The following CCDC7 variants were observed in gnomAD, a reference collection of about 807,000 sequenced individuals.
The protein encoded by CCDC7 is coiled-coil domain-containing protein 7.
Under a neutral mutation model 196.9 loss-of-function variants are expected in CCDC7, and 183 were observed. The ratio of observed to expected loss-of-function variants is 0.93; its 90% CI spans 0.82 to 1.05. CCDC7 has a LOEUF of 1.05. Ranked by LOEUF, CCDC7 falls within the 50% of genes least tolerant of loss-of-function variation. The pLI is 0.00. For missense variants in CCDC7, 1,540 were observed against 1,482.2 expected (o/e 1.04, Z -0.64); for synonymous variants, 525 against 484.6 (o/e 1.08, Z -1.10).
intron 39 of CCDC7, among the ~76,000 whole-genome samples, chr10:32,850,133 C>T (rs1401772552): frequency 6.6e-6 from 1 of 152,128 alleles, no homozygotes; most frequent in African/African-American, 2.4e-5. Flanking sequence ...TCTCAAAGCC[C>T]ACCAGGAACA....
At chr10:32,611,661 C>T (rs981083615) in intron 18 of CCDC7, among the ~76,000 whole-genome samples, 5 of 152,196 alleles carry the variant, frequency 3.3e-5, no homozygotes, top group Admixed American at 2.6e-4. Flanking sequence ...TTCTCAGCAT[C>T]ATTTATTAAA....
chr10:32,582,834 A>G (rs1005522594), intron 16 of CCDC7, among the ~76,000 whole-genome samples, 200 bp from the exon 18 acceptor site: 1 of 152,140 alleles, frequency 6.6e-6, no homozygotes, highest in Non-Finnish European at 1.5e-5. Context: ...CCTTAGTATT[A>G]TGTATCCCTT....
At chr10:32,823,761 T>A (rs1398050878) in intron 31 of CCDC7, among the ~76,000 whole-genome samples, 3 of 152,206 alleles carry the variant, frequency 2.0e-5, no homozygotes, top group Admixed American at 2.0e-4. Flanking sequence ...TATACCTAGA[T>A]ACTAGTTTCT....
At chr10:32,765,913 T>G (rs1022751346) in intron 28 of CCDC7, among the ~76,000 whole-genome samples, 1 of 152,086 alleles carries the variant, frequency 6.6e-6, no homozygotes, top group Non-Finnish European at 1.5e-5. Context: ...CAGTTTTCTT[T>G]TAGCTGGAAA....
intron 11 of CCDC7, among the ~76,000 whole-genome samples, chr10:32,526,269 TGTG>T (rs2048659697): frequency 6.6e-6 from 1 of 152,108 alleles, no homozygotes; most frequent in Non-Finnish European, 1.5e-5. Flanking sequence ...TCCTTCAGCT[TGTG>T]GTGAATGCTT....
At chr10:32,537,238 T>G (rs1482248581) in intron 11 of CCDC7, among the ~76,000 whole-genome samples, 2 of 152,220 alleles carry the variant, frequency 1.3e-5, no homozygotes, top group East Asian at 1.9e-4. Flanking sequence ...TGGTTTGCAC[T>G]TCTCTAATGA....
intron 24 of CCDC7, among the ~76,000 whole-genome samples, chr10:32,696,343 C>T (rs1042527636): frequency 3.3e-5 from 5 of 152,126 alleles, no homozygotes; most frequent in African/African-American, 9.7e-5. Context: ...TTGGGGATCA[C>T]AGTCGCCTGT....
At chr10:32,456,502 A>G in intron 3 of CCDC7, 168 bp downstream of exon 4, 1 of 517,428 alleles carries the variant, frequency 1.9e-6, no homozygotes, top group East Asian at 3.8e-5. Flanking sequence ...TTTTTTTTTA[A>G]TCATCATCAA....
chr10:32,838,187 G>A (rs1156591645), intron 33 of CCDC7, among the ~76,000 whole-genome samples: 1 of 152,060 alleles, frequency 6.6e-6, no homozygotes, highest in Non-Finnish European at 1.5e-5. Context: ...TGCCCAGATT[G>A]CCAGAACAAA....
chr10:32,483,661 T>C (rs976621279), intron 8 of CCDC7, among the ~76,000 whole-genome samples: 3 of 152,216 alleles, frequency 2.0e-5, no homozygotes, highest in Non-Finnish European at 4.4e-5. Flanking sequence ...CCATCTTGAA[T>C]TGATTTTTGT....
At chr10:32,871,126 C>T (rs1050667447) in intron 41 of CCDC7, among the ~76,000 whole-genome samples, 9 of 152,032 alleles carry the variant, frequency 5.9e-5, no homozygotes, top group Admixed American at 3.3e-4. Flanking sequence ...AAATGAGTTA[C>T]GGAGGATTCT....
At chr10:32,647,628 GT>G (rs1178422758) in intron 20 of CCDC7, among the ~76,000 whole-genome samples, 1 of 151,864 alleles carries the variant, frequency 6.6e-6, no homozygotes, top group Non-Finnish European at 1.5e-5. Flanking sequence ...GGCAGCATAT[GT>G]CTTTTTTTGA....
At chr10:32,734,071 T>A (rs934219390) in intron 28 of CCDC7, among the ~76,000 whole-genome samples, 18 of 152,186 alleles carry the variant, frequency 1.2e-4, no homozygotes, top group Admixed American at 7.9e-4. Context: ...AGCAATCCTA[T>A]TACTGGGTAT....
Position 32,638,180 on chromosome 10 carries a change from G to A in CCDC7, c.2014+3022G>A, listed in dbSNP as rs144837841. ...ATACAATCATGTCATCTGCAAACAG[G>A]GACAATTTGACTTCCTCTTTTTCTA... On this transcript the variant is annotated intron_variant, in intron 20 of 41. Transcript: ENST00000639629. Among the ~76,000 whole-genome samples the A allele has an allele frequency of 6.0e-3, 907 of 152,200 alleles. 11 individuals carry two copies. The highest frequency in any genetic ancestry group is 0.021 in the African/African-American group (865 of 41,528).
chr10:32,623,250 C>T (rs1288057616), intron 18 of CCDC7, among the ~76,000 whole-genome samples: 2 of 151,998 alleles, frequency 1.3e-5, no homozygotes, highest in Non-Finnish European at 2.9e-5. Flanking sequence ...GGGCCTTGTC[C>T]TTCCAAATGT....
At chr10:32,635,391 A>G (rs2065465798) in intron 20 of CCDC7, among the ~76,000 whole-genome samples, 1 of 152,152 alleles carries the variant, frequency 6.6e-6, no homozygotes, top group Non-Finnish European at 1.5e-5. Flanking sequence ...ATCTTATGAC[A>G]TTTTATTATT....
chr10:32,804,049 A>T (rs1364756362), intron 29 of CCDC7, among the ~76,000 whole-genome samples: 1 of 152,180 alleles, frequency 6.6e-6, no homozygotes, highest in Non-Finnish European at 1.5e-5. Context: ...CATGAATTTA[A>T]CTATTTCTCA....
At chr10:32,452,769 C>T (rs1222494868) in intron 1 of CCDC7, among the ~76,000 whole-genome samples, 1 of 152,098 alleles carries the variant, frequency 6.6e-6, no homozygotes, top group Non-Finnish European at 1.5e-5. Flanking sequence ...AACTTTAGCT[C>T]TTGATGTGGG....
At chr10:32,540,736 C>CT (rs1269706218) in intron 11 of CCDC7, among the ~76,000 whole-genome samples, 1 of 152,180 alleles carries the variant, frequency 6.6e-6, no homozygotes, top group Non-Finnish European at 1.5e-5. Context: ...GAAAGGCCCA[C>CT]TTTTAGCCTG....
Sources: allele counts gnomAD v4.1 joint callset (sites outside exome capture counted in the v4.1 genomes callset), GRCh38; gene constraint gnomAD v4.1.1; transcripts MANE v1.5; gene names NCBI Gene and HGNC (gene_info 2026-07-23, HGNC 2026-07-21).